The following ALPK3 variants were observed in gnomAD, a reference collection of about 807,000 sequenced individuals.
ALPK3 encodes the protein alpha-protein kinase 3.
ALPK3 carries 102 observed loss-of-function variants against 140.0 expected under a neutral mutation model. The ratio of observed to expected loss-of-function variants is 0.73; its 90% CI spans 0.62 to 0.86. ALPK3 has a LOEUF of 0.86. ALPK3 is among the 40% of genes least tolerant of loss of function. The pLI is 0.00. For synonymous variants in ALPK3, 938 were observed against 898.5 expected (o/e 1.04, Z -0.79); for missense variants, 2,254 against 2,208.2 (o/e 1.02, Z -0.42).
chr15:84,836,780 T>C (rs1963601744), intron 3 of ALPK3, among the ~76,000 whole-genome samples: 1 of 152,068 alleles, frequency 6.6e-6, no homozygotes, highest in South Asian at 2.1e-4. Context: ...TGAGCATACA[T>C]ATATTTGAAA....
chr15:84,821,698 C>A (rs942276599), intron 1 of ALPK3, among the ~76,000 whole-genome samples: 10 of 152,220 alleles, frequency 6.6e-5, no homozygotes, highest in African/African-American at 2.4e-4. Context: ...TCCCCCAGGT[C>A]CCCCACTGTA....
At chr15:84,843,567 G>T (rs1596151013) in intron 5 of ALPK3, among the ~76,000 whole-genome samples, 1 of 152,102 alleles carries the variant, frequency 6.6e-6, no homozygotes, top group Admixed American at 6.6e-5. Context: ...TTAGTCTCAC[G>T]GTATTGAGTT....
chr15:84,862,541 G>T, intron 9 of ALPK3, 94 bp from the exon 10 acceptor site: 1 of 1,456,458 alleles, frequency 6.9e-7, no homozygotes. Context: ...GGTTGGCAGG[G>T]TGGGAGGCTC....
At chr15:84,836,532 G>A (rs1384503102) in intron 3 of ALPK3, among the ~76,000 whole-genome samples, 1 of 152,238 alleles carries the variant, frequency 6.6e-6, no homozygotes, top group Admixed American at 6.5e-5. Flanking sequence ...ATGGAGTAGA[G>A]GTGAGGCAAG....
At chr15:84,868,086 C>G in intron 13 of ALPK3, 25 bp from the exon 14 acceptor site, 1 of 1,593,226 alleles carries the variant, frequency 6.3e-7, no homozygotes, top group Non-Finnish European at 8.6e-7. Context: ...GGGACCCCCA[C>G]TCAGCTCTTC....
chr15:84,857,340 C>T lies in ALPK3; in HGVS notation c.2602C>T (p.Pro868Ser). 2 of 1,614,156 alleles carry T rather than the reference C, an allele frequency of 1.2e-6. No homozygotes were observed. Among genetic ancestry groups the T allele is most frequent in the Non-Finnish European group, 1.7e-6 (2 of 1,180,024 alleles). The change falls in exon 6 of 14, where the codon CCT becomes TCT. Residue 868 changes from proline to serine, a missense_variant. Coordinates refer to ENST00000258888, the MANE Select transcript of ALPK3 (RefSeq NM_020778.5). ...AGLSQEVPTM[P>S]SLPGTGLTAS... ...CCTGAGCCAGGAGGTACCCACGATG[C>T]CTTCTCTTCCTGGAACTGGGCTGAC... is the stretch of plus-strand genomic sequence containing the variant.
At chr15:84,830,148 T>C (rs1254804493) in intron 3 of ALPK3, among the ~76,000 whole-genome samples, 1 of 152,236 alleles carries the variant, frequency 6.6e-6, no homozygotes. Flanking sequence ...CTAATTTTTC[T>C]TATACCTCCT....
At position 84,857,824 on chromosome 15, in the gene ALPK3, C is replaced by A. The variant is rs1051437969; in HGVS notation, c.3086C>A (p.Thr1029Asn). 2.1e-5 allele frequency: 34 copies of A among 1,610,850 alleles called. No individual in the cohort carries two copies. The highest frequency in any genetic ancestry group is 2.8e-5 in the Non-Finnish European group (33 of 1,178,130). Residue 1029 changes from threonine to asparagine, a missense_variant, in exon 6 of 14, where the codon ACC (threonine) becomes AAC (asparagine). Thr to Asn is a moderately conservative substitution (Grantham distance 65). Coordinates refer to ENST00000258888, the MANE Select transcript of ALPK3 (RefSeq NM_020778.5). ...ENNHLVQSAQ[T>N]LLLSPCTSRR... Reference sequence around the variant, plus strand: ...AACCACCTGGTGCAGAGTGCACAGACCCTGCTGCTGAGCCCCTGTACCTCC... The same window carrying A: ...AACCACCTGGTGCAGAGTGCACAGAACCTGCTGCTGAGCCCCTGTACCTCC...
At position 84,864,619 on chromosome 15, in the gene ALPK3, G is replaced by T; in HGVS notation, c.4677G>T (p.Trp1559Cys). ...AMQKCQTFQH[W>C]LYQWTNGSFL... ...AGAAATGCCAGACCTTCCAACACTG[G>T]CTGTATCAGTGGACAAATGGCAGCT... Residue 1559 changes from tryptophan (W) to cysteine (C), a missense_variant, in exon 12 of 14, where the codon TGG (tryptophan) becomes TGT (cysteine). Coordinates refer to ENST00000258888, the MANE Select transcript of ALPK3 (RefSeq NM_020778.5). The T allele has an allele frequency of 6.2e-7, 1 of 1,614,214 alleles. No individual in the cohort carries two copies. The highest frequency in any genetic ancestry group is 1.1e-5 in the South Asian group (1 of 91,090).
intron 9 of ALPK3, among the ~76,000 whole-genome samples, chr15:84,862,148 G>A (rs2141572202): frequency 6.6e-6 from 1 of 152,254 alleles, no homozygotes; most frequent in Non-Finnish European, 1.5e-5. Context: ...ATATTTAGCG[G>A]TCACAATTTG....
chr15:84,842,564 C>A (rs1185947674), intron 5 of ALPK3, among the ~76,000 whole-genome samples: 3 of 152,014 alleles, frequency 2.0e-5, no homozygotes, highest in Admixed American at 6.6e-5. Context: ...CAGCACCTGG[C>A]AGAGGGCAAA....
In ALPK3 at chr15:84,838,723, G is replaced by A. The variant is rs184001384; in HGVS notation, c.305-257G>A. On this transcript the variant is annotated intron_variant, in intron 3 of 13. Coordinates refer to ENST00000258888, the MANE Select transcript of ALPK3 (RefSeq NM_020778.5). ...CAACCTCGGACTCCTGGGTTCAAGCGATTCTCCTGCCTCAGCCTCTCAAGC... is the reference window on the plus strand; with the variant it reads ...CAACCTCGGACTCCTGGGTTCAAGCAATTCTCCTGCCTCAGCCTCTCAAGC... 8.2e-3 allele frequency among the ~76,000 whole-genome samples: 1,245 copies of A among 151,738 alleles called. 9 individuals are homozygous for A. The highest frequency in any genetic ancestry group is 0.034 in the Middle Eastern group (10 of 294).
chr15:84,871,893 T>C lies in ALPK3; in HGVS notation c.*3437T>C, dbSNP rs950894802. The C allele has an allele frequency of 6.6e-6, 1 of 152,212 alleles. No individual in the cohort carries two copies. Among genetic ancestry groups the C allele is most frequent in the Non-Finnish European group, 1.5e-5 (1 of 68,052 alleles). 9.4% of individuals were successfully genotyped at this position (152,212 alleles called of 1,614,324 possible). A position where few individuals can be genotyped will look rare whatever the true frequency, so the allele number is the denominator to read the frequency against. On this transcript the variant is annotated 3_prime_UTR_variant, in exon 14 of 14. Transcript: ENST00000258888. ...CATGATGTTTATGGCATTTGAGAAT[T>C]CCATGGATATTGATGGCAGGAGAGG... is the stretch of plus-strand genomic sequence containing the variant.
intron 3 of ALPK3, among the ~76,000 whole-genome samples, chr15:84,836,064 C>G (rs1963594096): frequency 6.6e-6 from 1 of 152,230 alleles, no homozygotes; most frequent in Non-Finnish European, 1.5e-5. Context: ...AGAGGAATAG[C>G]AAGTGCCTGG....
Position 84,838,973 on chromosome 15 carries a change from TTCTC to T in ALPK3, c.305-6_305-3del. On this transcript the variant is annotated splice_polypyrimidine_tract_variant and splice_region_variant and intron_variant, in intron 3 of 13. Transcript: ENST00000258888. ...TGCTGTAACCCAGTCTCCTGCTTCT[TTCTC>T]AGGATACCCAGAGCCAGAGGTGACC... The T allele has an allele frequency of 6.2e-7, 1 of 1,612,792 alleles. No individual in the cohort carries two copies. Among genetic ancestry groups the T allele is most frequent in the Non-Finnish European group, 8.5e-7 (1 of 1,178,780 alleles).
At position 84,842,185 on chromosome 15, in the gene ALPK3, C is replaced by T. The variant is rs192811159; in HGVS notation, c.1653+1253C>T. 2.0e-5 allele frequency among the ~76,000 whole-genome samples: 3 copies of T among 152,330 alleles called. No individual in the cohort carries two copies. The East Asian group carries it at 5.8e-4, about 29-fold the overall frequency. On this transcript the variant is annotated intron_variant, in intron 5 of 13. Coordinates refer to ENST00000258888, the MANE Select transcript of ALPK3 (RefSeq NM_020778.5). ...AGTAGTTGGAATTACAGGTGTGAGGCACCATGCTCAGCTAATTTTTGTATT... is the reference window on the plus strand; with the variant it reads ...AGTAGTTGGAATTACAGGTGTGAGGTACCATGCTCAGCTAATTTTTGTATT...
At position 84,857,294 on chromosome 15, in the gene ALPK3, G is replaced by C. The variant is rs1355264772; in HGVS notation, c.2556G>C (p.Gln852His). 6.2e-7 allele frequency: 1 copy of C among 1,614,092 alleles called. No homozygotes were observed. The highest frequency in any genetic ancestry group is 1.6e-4 in the Middle Eastern group (1 of 6,062). Residue 852 changes from glutamine to histidine, a missense_variant, in exon 6 of 14, where the codon CAG (glutamine) becomes CAC (histidine). By Grantham distance (24) the Gln-to-His change is conservative. Around this residue, in one of 3 missense-constraint regions of ALPK3, gnomAD observed 2,088 missense variants for 2,022.9 expected, o/e 1.03. Coordinates refer to ENST00000258888, the MANE Select transcript of ALPK3 (RefSeq NM_020778.5). ...ERPGGVPCMD[Q>H]GGCPLAGLSQ... ...CAGGGGGAGTGCCGTGTATGGATCA[G>C]GGTGGCTGTCCTCTAGCTGGCCTGA... is the stretch of plus-strand genomic sequence containing the variant.
chr15:84,869,089 C>T lies in ALPK3; in HGVS notation c.*633C>T, dbSNP rs3748379. ...TGCAGTGGCCTTTGATGTGTGTTCA[C>T]GCTCTTCCCCCTTCACTCACTCGCC... is the stretch of plus-strand genomic sequence containing the variant. On this transcript the variant is annotated 3_prime_UTR_variant, in exon 14 of 14. Coordinates refer to ENST00000258888, the MANE Select transcript of ALPK3 (RefSeq NM_020778.5). 6,699 of 154,012 alleles carry T rather than the reference C, an allele frequency of 0.043. 196 individuals carry two copies. Among genetic ancestry groups the T allele is most frequent in the East Asian group, 0.07 (367 of 5,212 alleles). The allele number at this position is 154,012 out of a possible 1,614,324, so 9.5% of individuals were successfully genotyped here.
intron 5 of ALPK3, among the ~76,000 whole-genome samples, chr15:84,856,166 C>T (rs962027786): frequency 6.6e-6 from 1 of 152,194 alleles, no homozygotes; most frequent in African/African-American, 2.4e-5. Context: ...AGATATTCCC[C>T]AGTCCAGATT....
Sources: allele counts gnomAD v4.1 joint callset (sites outside exome capture counted in the v4.1 genomes callset), GRCh38; gene constraint gnomAD v4.1.1; regional missense constraint gnomAD v4.1.1; transcripts MANE v1.5; gene names NCBI Gene and HGNC (gene_info 2026-07-23, HGNC 2026-07-21).